STX8: variants seen among roughly 807,000 people sequenced by gnomAD.
STX8 encodes syntaxin-8.
A neutral mutation model predicts 37.5 loss-of-function variants in STX8; 23 were observed. The ratio of observed to expected loss-of-function variants is 0.61; its 90% CI spans 0.44 to 0.87. The LOEUF is 0.87. Among genes scored for constraint, STX8 ranks in the 40% least tolerant of loss-of-function variants. The probability of loss-of-function intolerance (pLI) is 0.00; values close to 1 mark genes in which losing one functional copy is unlikely to be tolerated. For synonymous variants in STX8, 115 were observed against 99.1 expected, an observed-to-expected ratio of 1.16 and a Z score of -0.95; for missense variants, 313 against 284.7, an observed-to-expected ratio of 1.10 and a Z score of -0.71.
At chr17:9,472,715 T>C (rs1905923600) in intron 6 of STX8, among the ~76,000 whole-genome samples, 2 of 152,164 alleles carry the variant, frequency 1.3e-5, no homozygotes, top group South Asian at 4.1e-4. Flanking sequence ...GGAACAGCGG[T>C]GAATGAAGTT....
intron 4 of STX8, among the ~76,000 whole-genome samples, chr17:9,541,507 T>C (rs1366443110): frequency 6.6e-5 from 10 of 152,152 alleles, no homozygotes; most frequent in Non-Finnish European, 1.3e-4. Context: ...TTACAAAGCC[T>C]GTCTCATAGC....
At chr17:9,457,651 C>G (rs1379555637) in intron 6 of STX8, among the ~76,000 whole-genome samples, 1 of 152,254 alleles carries the variant, frequency 6.6e-6, no homozygotes, top group Non-Finnish European at 1.5e-5. Flanking sequence ...TGTGCTCTTC[C>G]AGCCTCAATG....
chr17:9,409,272 T>C (rs574188953), intron 6 of STX8, among the ~76,000 whole-genome samples: 3 of 152,272 alleles, frequency 2.0e-5, no homozygotes, highest in East Asian at 3.9e-4. Context: ...GCGTAGAAAC[T>C]AGGCAAACAC....
intron 7 of STX8, among the ~76,000 whole-genome samples, chr17:9,293,800 C>T (rs146167997): frequency 0.016 from 2,438 of 150,292 alleles, 59 homozygotes; most frequent in African/African-American, 0.055. Context: ...CTCTGTCTGT[C>T]GCCCAGGCTG....
At chr17:9,439,325 G>C (rs1323873460) in intron 6 of STX8, among the ~76,000 whole-genome samples, 1 of 152,120 alleles carries the variant, frequency 6.6e-6, no homozygotes, top group Non-Finnish European at 1.5e-5. Context: ...TATTTCTCAT[G>C]ATTTGAACAT....
intron 4 of STX8, among the ~76,000 whole-genome samples, chr17:9,540,026 G>A (rs1337713214): frequency 1.3e-5 from 2 of 152,192 alleles, no homozygotes; most frequent in African/African-American, 2.4e-5. Context: ...TCCAACAAGA[G>A]AACTATTAGG....
intron 7 of STX8, among the ~76,000 whole-genome samples, chr17:9,325,864 T>C (rs1909735722): frequency 6.6e-6 from 1 of 152,220 alleles, no homozygotes; most frequent in African/African-American, 2.4e-5. Flanking sequence ...CCAGGTGCAA[T>C]GACTCTGGAG....
chr17:9,428,234 A>G (rs1452055722), intron 6 of STX8, among the ~76,000 whole-genome samples: 1 of 151,924 alleles, frequency 6.6e-6, no homozygotes, highest in Non-Finnish European at 1.5e-5. Context: ...ACCAGAAATG[A>G]CTTTTGTTTT....
At chr17:9,465,505 G>A (rs1036560970) in intron 6 of STX8, among the ~76,000 whole-genome samples, 1 of 152,146 alleles carries the variant, frequency 6.6e-6, no homozygotes, top group African/African-American at 2.4e-5. Flanking sequence ...ACTAATATCA[G>A]GGATGAATTG....
chr17:9,569,722 C>G (rs927902273), intron 1 of STX8: 8 of 151,994 alleles, frequency 5.3e-5, no homozygotes, highest in African/African-American at 1.9e-4. Flanking sequence ...CCGAGGCGGG[C>G]AGATCATGAG....
At chr17:9,309,534 T>C (rs773944652) in intron 7 of STX8, among the ~76,000 whole-genome samples, 8 of 152,206 alleles carry the variant, frequency 5.3e-5, no homozygotes, top group Non-Finnish European at 1.0e-4. Flanking sequence ...GATTAAACTC[T>C]GGGAAATTCA....
At chr17:9,538,323 G>T (rs972526550) in intron 4 of STX8, among the ~76,000 whole-genome samples, 14 of 152,140 alleles carry the variant, frequency 9.2e-5, no homozygotes, top group Non-Finnish European at 2.9e-5. Flanking sequence ...AGAGTAGGTT[G>T]GTCACGTGGT....
At chr17:9,300,588 C>T (rs749424727) in intron 7 of STX8, among the ~76,000 whole-genome samples, 14 of 151,824 alleles carry the variant, frequency 9.2e-5, no homozygotes, top group Non-Finnish European at 2.1e-4. Context: ...TGTTTTCTAC[C>T]TGGTTATGAG....
chr17:9,423,593 G>A (rs1913521011), intron 6 of STX8, among the ~76,000 whole-genome samples: 2 of 152,092 alleles, frequency 1.3e-5, no homozygotes, highest in South Asian at 4.2e-4. Flanking sequence ...CAAAGTGCTG[G>A]GATTACAGGT....
intron 4 of STX8, among the ~76,000 whole-genome samples, chr17:9,526,149 A>G (rs1269910958): frequency 1.4e-5 from 2 of 144,402 alleles, no homozygotes; most frequent in African/African-American, 5.1e-5. Context: ...AAAGGGAATC[A>G]TGGTAAGATT....
At chr17:9,277,841 G>C (rs150637446) in intron 7 of STX8, among the ~76,000 whole-genome samples, 1 of 152,232 alleles carries the variant, frequency 6.6e-6, no homozygotes, top group Non-Finnish European at 1.5e-5. Flanking sequence ...GGTTAGAACT[G>C]GCCAGTGAGG....
At chr17:9,513,035 C>A (rs1374949180) in intron 4 of STX8, among the ~76,000 whole-genome samples, 1 of 152,020 alleles carries the variant, frequency 6.6e-6, no homozygotes, top group Non-Finnish European at 1.5e-5. Flanking sequence ...AATGAGATTA[C>A]AACAAACTAA....
At chr17:9,446,575 G>A (rs990620198) in intron 6 of STX8, among the ~76,000 whole-genome samples, 34 of 152,256 alleles carry the variant, frequency 2.2e-4, no homozygotes, top group Non-Finnish European at 3.2e-4. Flanking sequence ...AGTGCTACAC[G>A]GGTTACTATC....
At chr17:9,422,384 G>T (rs1913469709) in intron 6 of STX8, among the ~76,000 whole-genome samples, 1 of 152,210 alleles carries the variant, frequency 6.6e-6, no homozygotes, top group South Asian at 2.1e-4. Flanking sequence ...TGGGATTACA[G>T]GTGTGAGCCA....
Sources: gnomAD v4.1 joint callset for allele counts (sites outside exome capture counted in the v4.1 genomes callset) on GRCh38, gnomAD v4.1.1 for gene constraint, MANE v1.5 for transcripts, NCBI Gene and HGNC (gene_info 2026-07-23, HGNC 2026-07-21) for gene names.